The following CRACD variants were observed in gnomAD, a reference collection of about 807,000 sequenced individuals.
CRACD encodes the protein capping protein-inhibiting regulator of actin dynamics.
A neutral mutation model predicts 106.8 loss-of-function variants in CRACD; 56 were observed. The ratio of observed to expected loss-of-function variants is 0.52; its 90% CI spans 0.42 to 0.66. The LOEUF (loss-of-function observed/expected upper bound fraction) is 0.66. CRACD is among the 30% of genes least tolerant of loss of function. The probability of loss-of-function intolerance (pLI) is 0.00; values close to 1 mark genes in which losing one functional copy is unlikely to be tolerated. For synonymous variants in CRACD, 754 were observed against 670.8 expected (o/e 1.12, Z -1.92); for missense variants, 1,730 against 1,623.2 (o/e 1.07, Z -1.13).
intron 1 of CRACD, among the ~76,000 whole-genome samples, chr4:56,114,452 G>T (rs1734216760): frequency 6.6e-6 from 1 of 152,042 alleles, no homozygotes; most frequent in Non-Finnish European, 1.5e-5. Flanking sequence ...GCTGTGTATA[G>T]CTGTGAGGGA....
chr4:56,324,006 CA>C (rs1746272369), intron 9 of CRACD, 97 bp from the exon 10 acceptor site: 13 of 1,337,646 alleles, frequency 9.7e-6, no homozygotes, highest in South Asian at 8.6e-5. Context: ...AAGCAGAGGT[CA>C]GGGGCTGGCA....
At chr4:56,216,614 G>A (rs983032399) in intron 2 of CRACD, among the ~76,000 whole-genome samples, 1 of 152,170 alleles carries the variant, frequency 6.6e-6, no homozygotes, top group African/African-American at 2.4e-5. Context: ...TTTGGCAAAA[G>A]TGGTAATGTA....
chr4:56,312,965 G>T (rs12331412), intron 6 of CRACD, among the ~76,000 whole-genome samples: 42,892 of 152,076 alleles, frequency 0.28, 6,565 homozygotes, highest in Middle Eastern at 0.36. Context: ...GTTCCTAAAA[G>T]TTATATGACT....
intron 2 of CRACD, among the ~76,000 whole-genome samples, chr4:56,187,683 T>A (rs185537601): frequency 1.3e-5 from 2 of 151,766 alleles, no homozygotes; most frequent in African/African-American, 4.8e-5. Context: ...AATAAATAAA[T>A]TTTTTTTTCT....
rs1269432340 is a variant in CRACD, at chr4:56,120,422, T to TA, written c.-335-58854dup. ...AGGAATGATTCCCTTAGTTTTAAAA[T>TA]AAAAAAAATTAACTACAAATATGCT... On this transcript the variant is annotated intron_variant, in intron 1 of 10. Coordinates refer to ENST00000682029, the MANE Select transcript of CRACD (RefSeq NM_001393381.1). 4.6e-5 allele frequency among the ~76,000 whole-genome samples: 7 copies of TA among 152,104 alleles called. No homozygotes were observed. The East Asian group carries it at 7.7e-4, about 17-fold the overall frequency.
chr4:56,132,844 C>A (rs748902906), intron 1 of CRACD, among the ~76,000 whole-genome samples: 1 of 152,052 alleles, frequency 6.6e-6, no homozygotes, highest in Non-Finnish European at 1.5e-5. Context: ...TCTCCCCTCC[C>A]GTTCTCATCA....
At chr4:56,195,487 C>T (rs1737564068) in intron 2 of CRACD, among the ~76,000 whole-genome samples, 1 of 152,120 alleles carries the variant, frequency 6.6e-6, no homozygotes, top group East Asian at 1.9e-4. Flanking sequence ...GGTGATTACT[C>T]ATATCAAGTA....
In CRACD at chr4:56,327,812, C is replaced by T; in HGVS notation, c.*8C>T. The T allele has an allele frequency of 6.2e-7, 1 of 1,610,296 alleles. No homozygotes were observed. The highest frequency in any genetic ancestry group is 8.5e-7 in the Non-Finnish European group (1 of 1,177,434). ...CCACAGATTATTAAGTAAAGAGTGACTCTCACCCATCCCTACTGCCAGTTA... is the reference window on the plus strand; with the variant it reads ...CCACAGATTATTAAGTAAAGAGTGATTCTCACCCATCCCTACTGCCAGTTA... On this transcript the variant is annotated 3_prime_UTR_variant, in exon 11 of 11. Coordinates refer to ENST00000682029, the MANE Select transcript of CRACD (RefSeq NM_001393381.1).
At position 56,284,292 on chromosome 4, in the gene CRACD, TAAAAAAAAAA is replaced by T. The variant is rs59270238; in HGVS notation, c.-17+11817_-17+11826del. 5.3e-4 allele frequency among the ~76,000 whole-genome samples: 24 copies of T among 45,474 alleles called. 1 individual carries two copies. The highest frequency in any genetic ancestry group is 4.5e-3 in the South Asian group (3 of 660). The allele number at this position is 45,474 out of a possible 152,430, so 29.8% of individuals were successfully genotyped here. On this transcript the variant is annotated intron_variant, in intron 3 of 10. Coordinates refer to ENST00000682029, the MANE Select transcript of CRACD (RefSeq NM_001393381.1). ...AACATAGTAAGAACCCATCCTAAAGTAAAAAAAAAAAAAAAAAAAAAAAAAATTGCTGACA... is the reference window on the plus strand; with the variant it reads ...AACATAGTAAGAACCCATCCTAAAGTAAAAAAAAAAAAAAAATTGCTGACA...
chr4:56,082,921 A>G (rs1362214220), intron 1 of CRACD, among the ~76,000 whole-genome samples: 2 of 152,180 alleles, frequency 1.3e-5, no homozygotes, highest in Admixed American at 1.3e-4. Flanking sequence ...TTGGGAATTG[A>G]AGGAGTAGAA....
In CRACD at chr4:56,330,044, A is replaced by G. The variant is rs1746706119; in HGVS notation, c.*2240A>G. 6.6e-6 allele frequency among the ~76,000 whole-genome samples: 1 copy of G among 152,168 alleles called. No homozygotes were observed. Among genetic ancestry groups the G allele is most frequent in the South Asian group, 2.1e-4 (1 of 4,824 alleles). On this transcript the variant is annotated 3_prime_UTR_variant, in exon 11 of 11. Transcript: ENST00000682029. Reference sequence around the variant, plus strand: ...TACATGTTTAACATTTCATTTCAAAATCACCCCAAATTTGCACTAAATACC... The same window carrying G: ...TACATGTTTAACATTTCATTTCAAAGTCACCCCAAATTTGCACTAAATACC...
chr4:56,307,146 A>ATT (rs201217538), intron 4 of CRACD, among the ~76,000 whole-genome samples: 1 of 151,914 alleles, frequency 6.6e-6, no homozygotes, highest in African/African-American at 2.4e-5. Flanking sequence ...GTTTTCTATA[A>ATT]TTTTTTTTGC....
At chr4:56,084,018 T>C (rs1301303163) in intron 1 of CRACD, among the ~76,000 whole-genome samples, 1 of 152,150 alleles carries the variant, frequency 6.6e-6, no homozygotes, top group Non-Finnish European at 1.5e-5. Context: ...CACAAGAACC[T>C]ACAAATGAAT....
chr4:56,070,454 C>T (rs1250367398), intron 1 of CRACD, among the ~76,000 whole-genome samples: 1 of 152,170 alleles, frequency 6.6e-6, no homozygotes, highest in Non-Finnish European at 1.5e-5. Context: ...CGCCCGCCAT[C>T]GCATCCGGCT....
chr4:56,171,267 A>T (rs989416321), intron 1 of CRACD, among the ~76,000 whole-genome samples: 18 of 152,014 alleles, frequency 1.2e-4, no homozygotes, highest in South Asian at 8.3e-4. Flanking sequence ...AGTATAATAA[A>T]AAAAAAAAAA....
chr4:56,326,768 C>G (rs1404129052), intron 10 of CRACD, among the ~76,000 whole-genome samples: 1 of 146,480 alleles, frequency 6.8e-6, no homozygotes, highest in African/African-American at 2.5e-5. Flanking sequence ...GAAGCAGAGT[C>G]TCTCTCTGTC....
chr4:56,269,633 TCTGCTCACTACAGC>T (rs1485025005), intron 2 of CRACD, among the ~76,000 whole-genome samples: 52 of 150,182 alleles, frequency 3.5e-4, no homozygotes, highest in Admixed American at 6.7e-4. Flanking sequence ...TGGCATGATC[TCTGCTCACTACAGC>T]CTTCGCCTCC....
In CRACD at chr4:56,312,017, G is replaced by T. The variant is rs530470695; in HGVS notation, c.355-1180G>T. Among the ~76,000 whole-genome samples the T allele has an allele frequency of 2.0e-5, 3 of 152,224 alleles. No homozygotes were observed. In the South Asian group the frequency reaches 6.2e-4, roughly 32 times the overall value. On this transcript the variant is annotated intron_variant, in intron 6 of 10. Transcript: ENST00000682029. ...GTGATTGCATCTGTATTCTAGAGCT[G>T]CAGGCCATTCCACAATTCATCCTTT...
chr4:56,153,303 A>T (rs1735650564), intron 1 of CRACD, among the ~76,000 whole-genome samples: 1 of 152,012 alleles, frequency 6.6e-6, no homozygotes, highest in African/African-American at 2.4e-5. Context: ...GCAATTTCTG[A>T]CTTCATTTAT....
Sources: allele counts gnomAD v4.1 joint callset (sites outside exome capture counted in the v4.1 genomes callset), GRCh38; gene constraint gnomAD v4.1.1; transcripts MANE v1.5; gene names NCBI Gene and HGNC (gene_info 2026-07-23, HGNC 2026-07-21).